CHD1: variants seen among roughly 807,000 people sequenced by gnomAD.
CHD1 encodes the protein chromodomain helicase DNA binding protein 1.
A neutral mutation model predicts 224.2 loss-of-function variants in CHD1; 36 were observed. The observed-to-expected ratio is 0.16, with a 90% CI of 0.12 to 0.21. The LOEUF (loss-of-function observed/expected upper bound fraction) is 0.21, where lower values mean the gene tolerates loss of function less well. Among genes scored for constraint, CHD1 ranks in the 10% least tolerant of loss-of-function variants. The pLI is 1.00. For missense variants in CHD1, 1,378 were observed against 1,994.8 expected (o/e 0.69, Z 5.89); for synonymous variants, 668 against 658.3 (o/e 1.01, Z -0.23).
chr5:98,871,976 C>T, intron 28 of CHD1, 75 bp downstream of exon 28: 3 of 1,341,034 alleles, frequency 2.2e-6, no homozygotes, highest in Non-Finnish European at 3.0e-6. Context: ...TTATTTCCAA[C>T]ATAATTTAAA....
intron 8 of CHD1, among the ~76,000 whole-genome samples, chr5:98,899,257 T>C (rs542571919): frequency 1.5e-4 from 23 of 152,306 alleles, no homozygotes; most frequent in Non-Finnish European, 3.2e-4. Flanking sequence ...ATGGTATTGT[T>C]TTTAATTTGT....
chr5:98,900,471 GCT>G (rs1224227994), intron 7 of CHD1, among the ~76,000 whole-genome samples: 6 of 138,718 alleles, frequency 4.3e-5, no homozygotes, highest in African/African-American at 1.1e-4. Context: ...ATGGAGTTTC[GCT>G]CTGTCACCCA....
intron 2 of CHD1, among the ~76,000 whole-genome samples, chr5:98,922,400 G>A (rs1231233981): frequency 1.3e-5 from 2 of 152,144 alleles, no homozygotes; most frequent in Non-Finnish European, 2.9e-5. Flanking sequence ...CATAGCAAAA[G>A]AGACATATTT....
intron 17 of CHD1, among the ~76,000 whole-genome samples, chr5:98,887,658 A>T (rs1167835544): frequency 6.6e-6 from 1 of 152,114 alleles, no homozygotes; most frequent in African/African-American, 2.4e-5. Context: ...AGTTTTACTC[A>T]ACAAACCCTG....
chr5:98,926,322 G>C lies in CHD1; in HGVS notation c.53+12C>G. On this transcript the variant is annotated intron_variant, in intron 2 of 35. Transcript: ENST00000614616. ...TTCATAGTAAACAATTGATAACAAA[G>C]TGCTTACTTACCTTGATTCTCCACT... The C allele has an allele frequency of 6.8e-7, 1 of 1,477,306 alleles. No homozygotes were observed. Among genetic ancestry groups the C allele is most frequent in the African/African-American group, 1.4e-5 (1 of 69,152 alleles). The allele number at this position is 1,477,306 out of a possible 1,614,324, so 91.5% of individuals were successfully genotyped here.
chr5:98,855,787 T>C lies in CHD1; in HGVS notation c.*593A>G, dbSNP rs1474718013. On this transcript the variant is annotated 3_prime_UTR_variant, in exon 36 of 36. Transcript: ENST00000614616. ...AATATTTACAATAATTTACAGCCAT[T>C]TTTTTTGTAAAAAGGCATAATAGAT... The C allele has an allele frequency of 6.6e-6, 1 of 151,890 alleles. No homozygotes were observed. The highest frequency in any genetic ancestry group is 1.5e-5 in the Non-Finnish European group (1 of 67,908). 9.4% of individuals were successfully genotyped at this position (151,890 alleles called of 1,614,324 possible).
At chr5:98,880,122 C>T (rs887483485) in intron 22 of CHD1, among the ~76,000 whole-genome samples, 5 of 152,208 alleles carry the variant, frequency 3.3e-5, no homozygotes, top group African/African-American at 1.2e-4. Context: ...AAAACACTAT[C>T]TAAAGAGCTA....
At chr5:98,916,545 CAA>C (rs33988135) in intron 2 of CHD1, among the ~76,000 whole-genome samples, 2,978 of 39,854 alleles carry the variant, frequency 0.075, 37 homozygotes, top group African/African-American at 0.24. Context: ...AACTCCGTCT[CAA>C]AAAAAAAAAA....
intron 18 of CHD1, 50 bp from the exon 19 acceptor site, chr5:98,883,287 G>A: frequency 7.5e-7 from 1 of 1,334,192 alleles, no homozygotes; most frequent in African/African-American, 1.5e-5. Flanking sequence ...TTGATTTTCT[G>A]AACGTAAGCA....
intron 2 of CHD1, among the ~76,000 whole-genome samples, 189 bp from the exon 3 acceptor site, chr5:98,905,287 A>G (rs1222406965): frequency 6.6e-6 from 1 of 152,192 alleles, no homozygotes; most frequent in Admixed American, 6.5e-5. Context: ...TAATTTATTT[A>G]TACGTGATAG....
At chr5:98,871,215 A>G (rs1311544478) in intron 28 of CHD1, among the ~76,000 whole-genome samples, 2 of 151,878 alleles carry the variant, frequency 1.3e-5, no homozygotes, top group African/African-American at 4.8e-5. Context: ...CTAGAAGAAG[A>G]CCTAAAGCAT....
chr5:98,858,261 C>G lies in CHD1; in HGVS notation c.4706G>C (p.Ser1569Thr). The change falls in exon 35 of 36, where the codon AGT becomes ACT. Residue 1569 changes from serine to threonine, a missense_variant. Ser to Thr is a moderately conservative substitution (Grantham distance 58, BLOSUM62 1). Coordinates refer to ENST00000614616, the MANE Select transcript of CHD1 (RefSeq NM_001270.4). Reference protein sequence around the residue: ...DRHQGDSYKKSDSRKRPYSSF... With the variant: ...DRHQGDSYKKTDSRKRPYSSF... ...AGAATAGGGTCTTTTCCTGGAATCA[C>G]TTTTTTTGTAAGAATCTCCCTGATG... 1 of 1,613,244 alleles carries G rather than the reference C, an allele frequency of 6.2e-7. No homozygotes were observed. Among genetic ancestry groups the G allele is most frequent in the Non-Finnish European group, 8.5e-7 (1 of 1,179,360 alleles).
At chr5:98,927,550 AGAC>A (rs1258217258) in intron 1 of CHD1, among the ~76,000 whole-genome samples, 1 of 152,208 alleles carries the variant, frequency 6.6e-6, no homozygotes, top group East Asian at 1.9e-4. Flanking sequence ...TTAATTCTCT[AGAC>A]TACTGTCCAG....
At chr5:98,879,819 G>T in intron 22 of CHD1, 91 bp from the exon 23 acceptor site, 1 of 745,156 alleles carries the variant, frequency 1.3e-6, no homozygotes, top group Non-Finnish European at 2.2e-6. Context: ...ATGCTCCTTA[G>T]GATAATGAAC....
intron 35 of CHD1, among the ~76,000 whole-genome samples, chr5:98,857,222 G>A (rs542826474): frequency 7.9e-5 from 12 of 152,150 alleles, no homozygotes; most frequent in African/African-American, 2.6e-4. Flanking sequence ...AGTAAGACTC[G>A]ACACATGAAT....
chr5:98,889,005 AT>A, intron 16 of CHD1, 70 bp downstream of exon 16: 3 of 1,088,062 alleles, frequency 2.8e-6, no homozygotes, highest in Non-Finnish European at 4.0e-6. Flanking sequence ...GCATTGAGCC[AT>A]TTTCGATTGT....
chr5:98,916,865 A>G (rs1041732360), intron 2 of CHD1, among the ~76,000 whole-genome samples: 5 of 152,212 alleles, frequency 3.3e-5, no homozygotes, highest in African/African-American at 1.2e-4. Flanking sequence ...AGATGATTAG[A>G]AATTTTGGTA....
chr5:98,917,406 T>G (rs957186111), intron 2 of CHD1, among the ~76,000 whole-genome samples: 1 of 152,134 alleles, frequency 6.6e-6, no homozygotes, highest in Admixed American at 6.5e-5. Flanking sequence ...TCTCTCTGCA[T>G]TTACAGTATC....
rs750907229 is a variant in CHD1 at position 98,872,607 on chromosome 5, T to G, written c.3572-52A>C. On this transcript the variant is annotated intron_variant, in intron 26 of 35. Transcript: ENST00000614616. ...TTTTTAAAAGTATAAAACATAATTC[T>G]ACAAAACACCAAGCAACTGATGCTA... 13 of 1,464,732 alleles carry G rather than the reference T, an allele frequency of 8.9e-6. No homozygotes were observed. The East Asian group carries it at 3.0e-4, about 33-fold the overall frequency. 90.7% of individuals were successfully genotyped at this position (1,464,732 alleles called of 1,614,324 possible).
Sources: allele counts gnomAD v4.1 joint callset (sites outside exome capture counted in the v4.1 genomes callset), GRCh38; gene constraint gnomAD v4.1.1; transcripts MANE v1.5; gene names NCBI Gene and HGNC (gene_info 2026-07-23, HGNC 2026-07-21).